Variants in YTHDC2 observed in about 807,000 individuals in gnomAD.
The protein encoded by YTHDC2 is 3'-5' RNA helicase YTHDC2.
In YTHDC2, 45 loss-of-function variants were observed where a neutral mutation model predicts 174.9. That is an observed-to-expected ratio of 0.26 (90% confidence interval 0.20 to 0.33). The LOEUF (loss-of-function observed/expected upper bound fraction) is 0.33. YTHDC2 is among the 10% of genes least tolerant of loss of function. The probability of loss-of-function intolerance (pLI) is 1.00; values close to 1 mark genes in which losing one functional copy is unlikely to be tolerated. For synonymous variants in YTHDC2, 657 were observed against 574.5 expected (o/e 1.14, Z -2.05); for missense variants, 1,650 against 1,723.7 (o/e 0.96, Z 0.76).
chr5:113,524,897 G>T, intron 2 of YTHDC2, 84 bp from the exon 3 acceptor site: 1 of 1,012,296 alleles, frequency 9.9e-7, no homozygotes, highest in Non-Finnish European at 1.4e-6. Context: ...TGTTTTGCTT[G>T]AGACATATTT....
chr5:113,589,408 A>ATATATATATATATATATATATATATAT (rs1554103528), intron 26 of YTHDC2, among the ~76,000 whole-genome samples: 1 of 123,238 alleles, frequency 8.1e-6, no homozygotes, highest in African/African-American at 3.4e-5. Context: ...AAAAAAAAAA[A>ATATATATATATATATATATATATATAT]ATATATATAT....
chr5:113,547,052 T>C (rs551319495), intron 10 of YTHDC2, among the ~76,000 whole-genome samples: 15 of 152,344 alleles, frequency 9.8e-5, no homozygotes, highest in Admixed American at 9.8e-4. Context: ...TTTCACGTTA[T>C]TCTGTTCATT....
intron 23 of YTHDC2, among the ~76,000 whole-genome samples, chr5:113,570,179 C>T (rs892105489): frequency 6.6e-6 from 1 of 152,104 alleles, no homozygotes; most frequent in Non-Finnish European, 1.5e-5. Context: ...TCACTGTAAC[C>T]TCCGCCTCCT....
chr5:113,515,079 A>G (rs542128639), intron 1 of YTHDC2, among the ~76,000 whole-genome samples, 193 bp from the exon 2 acceptor site: 2 of 152,288 alleles, frequency 1.3e-5, no homozygotes, highest in South Asian at 4.1e-4. Context: ...GACATTCAGT[A>G]GTTATTGAAT....
At chr5:113,548,876 G>T in intron 11 of YTHDC2, 79 bp from the exon 12 acceptor site, 5 of 1,366,072 alleles carry the variant, frequency 3.7e-6, no homozygotes, top group Non-Finnish European at 5.0e-6. Flanking sequence ...AAAAGACAGG[G>T]TCTTGATGTT....
chr5:113,515,734 T>C (rs967860898), intron 2 of YTHDC2, among the ~76,000 whole-genome samples: 1 of 152,140 alleles, frequency 6.6e-6, no homozygotes, highest in Non-Finnish European at 1.5e-5. Flanking sequence ...AACTCAAACA[T>C]GGGGCTTATG....
chr5:113,561,527 G>C lies in YTHDC2; in HGVS notation c.2322+342G>C, dbSNP rs191792786. Among the ~76,000 whole-genome samples, 971 of 149,154 alleles carry C rather than the reference G, an allele frequency of 6.5e-3. 6 individuals are homozygous for C. Among genetic ancestry groups the C allele is most frequent in the African/African-American group, 0.022 (904 of 40,296 alleles). On this transcript the variant is annotated intron_variant, in intron 18 of 29. Transcript: ENST00000161863. ...TTTGTTGCCCAGGCTAGAGTGCAGT[G>C]GCGCGATCTCGGCTCACTGCAACCT...
At chr5:113,543,200 GTTGGA>G in intron 10 of YTHDC2, among the ~76,000 whole-genome samples, 1 of 152,096 alleles carries the variant, frequency 6.6e-6, no homozygotes, top group South Asian at 2.1e-4. Flanking sequence ...GTTATCTCCA[GTTGGA>G]TGTCTGTTAG....
intron 10 of YTHDC2, 83 bp downstream of exon 10, chr5:113,542,586 C>G: frequency 7.8e-7 from 1 of 1,278,778 alleles, no homozygotes; most frequent in Non-Finnish European, 1.1e-6. Context: ...TATGTACTAC[C>G]AATAATTGCA....
At position 113,513,814 on chromosome 5, in the gene YTHDC2, C is replaced by G; in HGVS notation, c.-82C>G. 6.9e-7 allele frequency: 1 copy of G among 1,447,110 alleles called. No individual in the cohort carries two copies. The highest frequency in any genetic ancestry group is 9.1e-7 in the Non-Finnish European group (1 of 1,098,020). 89.6% of individuals were successfully genotyped at this position (1,447,110 alleles called of 1,614,324 possible). On this transcript the variant is annotated 5_prime_UTR_variant, in exon 1 of 30. Transcript: ENST00000161863. Reference sequence around the variant, plus strand: ...TCTCCGGAGCTTCCCGGTAGTGGCCCCGGATTCCCACGGTCTTTGTCATTG... The same window carrying G: ...TCTCCGGAGCTTCCCGGTAGTGGCCGCGGATTCCCACGGTCTTTGTCATTG...
intron 4 of YTHDC2, among the ~76,000 whole-genome samples, chr5:113,527,939 C>G (rs574383413): frequency 1.3e-5 from 2 of 151,960 alleles, no homozygotes; most frequent in Non-Finnish European, 2.9e-5. Flanking sequence ...TACAGGCACC[C>G]GCCACCACGC....
In YTHDC2 at chr5:113,513,869, G is replaced by T. The variant is rs915713836; in HGVS notation, c.-27G>T. The T allele has an allele frequency of 6.3e-7, 1 of 1,576,584 alleles. No individual in the cohort carries two copies. Among genetic ancestry groups the T allele is most frequent in the Non-Finnish European group, 8.6e-7 (1 of 1,165,356 alleles). On this transcript the variant is annotated 5_prime_UTR_variant, in exon 1 of 30. Coordinates refer to ENST00000161863, the MANE Select transcript of YTHDC2 (RefSeq NM_022828.5). The stretch of plus-strand genomic sequence containing the variant: ...TCAGCTAGCAGGCCTGGCCGCTCCC[G>T]TGCGGAGAGACCATCTCTTCAGGGC...
At chr5:113,525,299 A>G in intron 3 of YTHDC2, 122 bp downstream of exon 3, 1 of 888,320 alleles carries the variant, frequency 1.1e-6, no homozygotes, top group Non-Finnish European at 1.6e-6. Context: ...ATAGTTTGTT[A>G]GAAATGATTA....
At chr5:113,514,165 AT>A (rs1773229552) in intron 1 of YTHDC2, 83 bp downstream of exon 1, 3 of 1,499,824 alleles carry the variant, frequency 2.0e-6, no homozygotes, top group Admixed American at 4.0e-5. Context: ...CCACCGAGTG[AT>A]GGGGGTGCCT....
At chr5:113,586,921 TATATAA>T (rs1227132870) in intron 26 of YTHDC2, among the ~76,000 whole-genome samples, 152 of 120,548 alleles carry the variant, frequency 1.3e-3, no homozygotes, top group African/African-American at 4.7e-3. Context: ...TCATATATAA[TATATAA>T]ATATATATTA....
At chr5:113,554,746 A>G (rs1441380126) in intron 16 of YTHDC2, among the ~76,000 whole-genome samples, 1 of 151,894 alleles carries the variant, frequency 6.6e-6, no homozygotes, top group Non-Finnish European at 1.5e-5. Context: ...TTGTTATAAA[A>G]AAAAAAAAGC....
chr5:113,528,700 G>A (rs1774453616), intron 4 of YTHDC2, among the ~76,000 whole-genome samples: 1 of 152,114 alleles, frequency 6.6e-6, no homozygotes, highest in Admixed American at 6.6e-5. Context: ...GTAGAGACGA[G>A]GTTTCAACAT....
rs184136219 is a variant in YTHDC2 at position 113,576,898 on chromosome 5, T to C, written c.3245-2688T>C. On this transcript the variant is annotated intron_variant, in intron 23 of 29. Coordinates refer to ENST00000161863, the MANE Select transcript of YTHDC2 (RefSeq NM_022828.5). ...TAAACTGAATAATCTTTTCCTATACTATTCACTTTCAAAGCTGAGAAAATT... is the reference window on the plus strand; with the variant it reads ...TAAACTGAATAATCTTTTCCTATACCATTCACTTTCAAAGCTGAGAAAATT... Among the ~76,000 whole-genome samples the C allele has an allele frequency of 2.6e-5, 4 of 152,306 alleles. No homozygotes were observed. The East Asian group carries it at 7.7e-4, about 29-fold the overall frequency.
rs149711072 is a variant in YTHDC2 at position 113,576,511 on chromosome 5, T to C, written c.3245-3075T>C. Among the ~76,000 whole-genome samples, 16 of 152,296 alleles carry C rather than the reference T, an allele frequency of 1.1e-4. No individual in the cohort carries two copies. In the East Asian group the frequency reaches 3.1e-3, roughly 29 times the overall value. ...ATTACTTGATAAAAATGTATAGATA[T>C]TATTCATGGTTCTTTCTCCATACTC... is the stretch of plus-strand genomic sequence containing the variant. On this transcript the variant is annotated intron_variant, in intron 23 of 29. Coordinates refer to ENST00000161863, the MANE Select transcript of YTHDC2 (RefSeq NM_022828.5).
Sources: allele counts gnomAD v4.1 joint callset (sites outside exome capture counted in the v4.1 genomes callset), GRCh38; gene constraint gnomAD v4.1.1; transcripts MANE v1.5; gene names NCBI Gene and HGNC (gene_info 2026-07-23, HGNC 2026-07-21).